Variants in CHCHD3 observed in about 807,000 individuals in gnomAD.
The protein encoded by CHCHD3 is coiled-coil-helix-coiled-coil-helix domain containing 3, also known as MICOS complex subunit MIC19.
In CHCHD3, 20 loss-of-function variants were observed where a neutral mutation model predicts 38.2. That is an observed-to-expected ratio of 0.52 (90% CI 0.37 to 0.76). The LOEUF is 0.76. Ranked by LOEUF, CHCHD3 falls within the 30% of genes least tolerant of loss-of-function variation. CHCHD3 has a pLI of 0.00. For missense variants in CHCHD3, 245 were observed against 279.2 expected, an observed-to-expected ratio of 0.88 and a Z score of 0.87; for synonymous variants, 82 against 100.0, an observed-to-expected ratio of 0.82 and a Z score of 1.07.
chr7:132,988,177 G>A (rs1344987990), intron 3 of CHCHD3, among the ~76,000 whole-genome samples: 1 of 151,892 alleles, frequency 6.6e-6, no homozygotes, highest in African/African-American at 2.4e-5. Flanking sequence ...TCATTCAAGG[G>A]TCATAAGAAA....
intron 3 of CHCHD3, among the ~76,000 whole-genome samples, chr7:132,988,623 A>C (rs1284297693): frequency 6.6e-6 from 1 of 152,202 alleles, no homozygotes; most frequent in Non-Finnish European, 1.5e-5. Flanking sequence ...GGGAAAAATA[A>C]ATAATAAAAG....
At chr7:132,839,380 G>A (rs1047395754) in intron 5 of CHCHD3, among the ~76,000 whole-genome samples, 5 of 152,062 alleles carry the variant, frequency 3.3e-5, no homozygotes, top group Admixed American at 6.6e-5. Flanking sequence ...AGATGCAGTG[G>A]CAAAGTAATG....
rs569178407 is a variant in CHCHD3 at position 132,898,597 on chromosome 7, GT to G, written c.370-12853del. ...TGGAGTTGCCTGCCAGTCCCGCGCC[GT>G]GCGCCCGCACTCCTCAGCCCTTGGG... On this transcript the variant is annotated intron_variant, in intron 4 of 7. Coordinates refer to ENST00000262570, the MANE Select transcript of CHCHD3 (RefSeq NM_017812.4). Among the ~76,000 whole-genome samples, 188 of 152,326 alleles carry G rather than the reference GT, an allele frequency of 1.2e-3. 1 individual carries two copies. Among genetic ancestry groups the G allele is most frequent in the African/African-American group, 4.4e-3 (184 of 41,582 alleles).
chr7:132,885,644 G>T lies in CHCHD3; in HGVS notation c.453+18C>A. ...CAGCAGATGTGGTAATAGAATCAAT[G>T]ATAAAAAATAGTCATACCCTCTCCT... On this transcript the variant is annotated intron_variant, in intron 5 of 7. Coordinates refer to ENST00000262570, the MANE Select transcript of CHCHD3 (RefSeq NM_017812.4). 6.4e-7 allele frequency: 1 copy of T among 1,563,186 alleles called. No homozygotes were observed. Among genetic ancestry groups the T allele is most frequent in the Non-Finnish European group, 8.7e-7 (1 of 1,150,862 alleles).
chr7:132,957,187 C>T (rs1438371767), intron 4 of CHCHD3, among the ~76,000 whole-genome samples: 2 of 152,162 alleles, frequency 1.3e-5, no homozygotes, highest in African/African-American at 4.8e-5. Context: ...ATTCCCAAAA[C>T]CCCTGGGCCT....
At chr7:133,062,657 A>G (rs1192287987) in intron 2 of CHCHD3, among the ~76,000 whole-genome samples, 1 of 152,198 alleles carries the variant, frequency 6.6e-6, no homozygotes, top group Non-Finnish European at 1.5e-5. Context: ...CTCTGCTGTC[A>G]TTGAAATTAC....
At chr7:132,934,366 T>C (rs558289844) in intron 4 of CHCHD3, among the ~76,000 whole-genome samples, 1 of 152,258 alleles carries the variant, frequency 6.6e-6, no homozygotes, top group East Asian at 1.9e-4. Flanking sequence ...ACATTGAGGA[T>C]CTCTGGAGGA....
intron 5 of CHCHD3, among the ~76,000 whole-genome samples, chr7:132,859,763 T>A (rs1808434912): frequency 6.6e-6 from 1 of 152,152 alleles, no homozygotes; most frequent in Non-Finnish European, 1.5e-5. Context: ...AACCCCCAGT[T>A]CAGACCTCAG....
chr7:132,996,444 T>G (rs1279565837), intron 3 of CHCHD3, among the ~76,000 whole-genome samples: 1 of 152,220 alleles, frequency 6.6e-6, no homozygotes, highest in Non-Finnish European at 1.5e-5. Flanking sequence ...CAAATATGCA[T>G]GTAAAATTAC....
At chr7:132,910,453 A>G (rs1421067422) in intron 4 of CHCHD3, among the ~76,000 whole-genome samples, 1 of 152,186 alleles carries the variant, frequency 6.6e-6, no homozygotes, top group Non-Finnish European at 1.5e-5. Flanking sequence ...ACTTTCTTAT[A>G]CTAATAAACT....
In CHCHD3 at chr7:132,889,034, G is replaced by T. The variant is rs542268245; in HGVS notation, c.370-3289C>A. On this transcript the variant is annotated intron_variant, in intron 4 of 7. Transcript: ENST00000262570. Reference sequence around the variant, plus strand: ...TATAATGAACAGTTAGTACTTCTGTGATCAGAAAAAATCTTTTAAACATCA... The same window carrying T: ...TATAATGAACAGTTAGTACTTCTGTTATCAGAAAAAATCTTTTAAACATCA... Among the ~76,000 whole-genome samples, 3 of 152,100 alleles carry T rather than the reference G, an allele frequency of 2.0e-5. No homozygotes were observed. The East Asian group carries it at 5.8e-4, about 29-fold the overall frequency.
At chr7:132,941,933 AAC>A (rs1336158220) in intron 4 of CHCHD3, among the ~76,000 whole-genome samples, 1 of 152,202 alleles carries the variant, frequency 6.6e-6, no homozygotes, top group Admixed American at 6.6e-5. Flanking sequence ...TATCTCTTCA[AAC>A]TCTCAAAACA....
chr7:132,822,215 T>C (rs1397462535), intron 6 of CHCHD3, among the ~76,000 whole-genome samples: 1 of 152,196 alleles, frequency 6.6e-6, no homozygotes, highest in African/African-American at 2.4e-5. Flanking sequence ...AAAAGAGGTA[T>C]GGATTGACAT....
rs1016687040 is a variant in CHCHD3, at chr7:132,972,438, C to A, written c.369+2731G>T. On this transcript the variant is annotated intron_variant, in intron 4 of 7. Coordinates refer to ENST00000262570, the MANE Select transcript of CHCHD3 (RefSeq NM_017812.4). The stretch of plus-strand genomic sequence containing the variant: ...GAAGTAAAAAGGAATATAAACACAA[C>A]AAACCAAAATGTTAACAGTAACTAT... 7.3e-6 allele frequency: 3 copies of A among 413,176 alleles called. No individual in the cohort carries two copies. The Admixed American group carries it at 1.9e-4, about 26-fold the overall frequency. 25.6% of individuals were successfully genotyped at this position (413,176 alleles called of 1,614,324 possible).
chr7:132,898,240 GC>G (rs1809558767), intron 4 of CHCHD3, among the ~76,000 whole-genome samples: 5 of 152,302 alleles, frequency 3.3e-5, no homozygotes, highest in African/African-American at 9.6e-5. Flanking sequence ...GGTTGCCACT[GC>G]TGGCTGGGGC....
intron 4 of CHCHD3, among the ~76,000 whole-genome samples, chr7:132,893,938 C>A (rs187428806): frequency 1.5e-4 from 23 of 152,324 alleles, no homozygotes; most frequent in African/African-American, 5.5e-4. Flanking sequence ...TTCTTTATAG[C>A]AGTGTGAAAA....
intron 2 of CHCHD3, among the ~76,000 whole-genome samples, chr7:133,038,128 A>C (rs1813731426): frequency 6.6e-6 from 1 of 152,226 alleles, no homozygotes; most frequent in African/African-American, 2.4e-5. Context: ...ATCTAAAAGT[A>C]GGTAGCACAG....
intron 6 of CHCHD3, among the ~76,000 whole-genome samples, chr7:132,828,343 T>C (rs1173516240): frequency 6.6e-6 from 1 of 152,192 alleles, no homozygotes; most frequent in African/African-American, 2.4e-5. Context: ...CCCTGGTATC[T>C]AATGATGTAG....
rs550684472 is a variant in CHCHD3 at position 133,060,607 on chromosome 7, C to T, written c.169+9535G>A. The stretch of plus-strand genomic sequence containing the variant: ...CAGTATTCAGACAGAAGGAACAACA[C>T]GGTCAAAAACCCAAAAGGAGGCCGG... On this transcript the variant is annotated intron_variant, in intron 2 of 7. Transcript: ENST00000262570. 1.2e-4 allele frequency among the ~76,000 whole-genome samples: 18 copies of T among 152,232 alleles called. No individual in the cohort carries two copies. In the South Asian group the frequency reaches 3.3e-3, roughly 28 times the overall value.
Sources: gnomAD v4.1 joint callset for allele counts (sites outside exome capture counted in the v4.1 genomes callset) on GRCh38, gnomAD v4.1.1 for gene constraint, MANE v1.5 for transcripts, NCBI Gene and HGNC (gene_info 2026-07-23, HGNC 2026-07-21) for gene names.